Variants in CPNE4 observed in about 807,000 individuals in gnomAD.
CPNE4 encodes the protein copine 4.
Under a neutral mutation model 67.9 loss-of-function variants are expected in CPNE4, and 25 were observed. That is an observed-to-expected ratio of 0.37 (90% confidence interval 0.27 to 0.51). The LOEUF (loss-of-function observed/expected upper bound fraction) is 0.51, where lower values mean the gene tolerates loss of function less well. Among genes scored for constraint, CPNE4 ranks in the 20% least tolerant of loss-of-function variants. The pLI is 0.93. For missense variants in CPNE4, 464 were observed against 690.8 expected, an observed-to-expected ratio of 0.67 and a Z score of 3.68; for synonymous variants, 242 against 244.9, an observed-to-expected ratio of 0.99 and a Z score of 0.11.
chr3:131,856,132 A>C (rs1005547365), intron 2 of CPNE4, among the ~76,000 whole-genome samples: 1 of 152,022 alleles, frequency 6.6e-6, no homozygotes, highest in Non-Finnish European at 1.5e-5. Flanking sequence ...AATAAAAGGA[A>C]AATCACCAAT....
At chr3:131,605,675 T>C (rs9868205) in intron 7 of CPNE4, among the ~76,000 whole-genome samples, 1,937 of 152,148 alleles carry the variant, frequency 0.013, 17 homozygotes, top group Non-Finnish European at 0.016. Flanking sequence ...AGAAGTCCAA[T>C]GAGAGTTTGA....
chr3:131,721,695 G>A (rs375056986), intron 3 of CPNE4, among the ~76,000 whole-genome samples: 12 of 151,918 alleles, frequency 7.9e-5, no homozygotes, highest in East Asian at 1.9e-4. Flanking sequence ...GCGCCTGGCC[G>A]GATCTACCTT....
chr3:131,927,367 T>C (rs2070925194), intron 1 of CPNE4, among the ~76,000 whole-genome samples: 1 of 152,126 alleles, frequency 6.6e-6, no homozygotes, highest in Admixed American at 6.6e-5. Context: ...AAGAGCAAAC[T>C]CCCTAATATA....
intron 7 of CPNE4, among the ~76,000 whole-genome samples, chr3:131,590,517 C>T (rs1938463004): frequency 2.0e-5 from 3 of 152,060 alleles, no homozygotes; most frequent in Admixed American, 2.0e-4. Context: ...TAAGAACCAT[C>T]CAAGTACTTA....
intron 1 of CPNE4, among the ~76,000 whole-genome samples, chr3:131,945,086 G>A (rs916406596): frequency 2.6e-5 from 4 of 152,138 alleles, no homozygotes; most frequent in African/African-American, 7.2e-5. Flanking sequence ...CTAGCCATGT[G>A]GCCTTCAGGA....
intron 1 of CPNE4, among the ~76,000 whole-genome samples, chr3:131,949,683 T>C (rs539155315): frequency 7.2e-5 from 11 of 152,310 alleles, no homozygotes; most frequent in African/African-American, 2.4e-4. Context: ...CAAATTATTA[T>C]TTATACCTTT....
intron 6 of CPNE4, among the ~76,000 whole-genome samples, chr3:131,681,980 C>T (rs2080769993): frequency 6.6e-6 from 1 of 151,944 alleles, no homozygotes; most frequent in African/African-American, 2.4e-5. Flanking sequence ...TGATTTCTTA[C>T]AATTATTTCA....
chr3:131,834,672 C>CTT (rs1395792784), intron 2 of CPNE4, among the ~76,000 whole-genome samples: 1 of 151,872 alleles, frequency 6.6e-6, no homozygotes, highest in Non-Finnish European at 1.5e-5. Flanking sequence ...ATACATAAAA[C>CTT]TAAAGTCTTA....
At chr3:131,924,949 A>G (rs1010433003) in intron 1 of CPNE4, among the ~76,000 whole-genome samples, 1 of 152,194 alleles carries the variant, frequency 6.6e-6, no homozygotes, top group African/African-American at 2.4e-5. Flanking sequence ...GTTAGTAGCA[A>G]CCTTGAAGCA....
chr3:131,717,946 T>C (rs1020617402), intron 3 of CPNE4, among the ~76,000 whole-genome samples: 17 of 135,748 alleles, frequency 1.3e-4, no homozygotes, highest in Admixed American at 3.6e-4. Flanking sequence ...TTCTTTCTTT[T>C]CTTTCTTTCT....
intron 7 of CPNE4, among the ~76,000 whole-genome samples, chr3:131,650,448 C>T (rs115155862): frequency 0.021 from 3,146 of 151,950 alleles, 125 homozygotes; most frequent in African/African-American, 0.072. Context: ...TATTTTTTAA[C>T]CATAGCCTTT....
At chr3:131,585,521 G>A (rs138469869) in intron 8 of CPNE4, among the ~76,000 whole-genome samples, 7 of 152,236 alleles carry the variant, frequency 4.6e-5, no homozygotes, top group Admixed American at 2.0e-4. Flanking sequence ...GAACTTAAAC[G>A]ATTTCTCTCT....
intron 2 of CPNE4, among the ~76,000 whole-genome samples, chr3:131,859,522 G>C (rs1211877373): frequency 1.3e-5 from 2 of 152,110 alleles, no homozygotes; most frequent in Non-Finnish European, 2.9e-5. Flanking sequence ...AACTTCTTGA[G>C]AGTGGGTGGT....
chr3:131,586,971 C>A (rs1032553934), intron 8 of CPNE4, among the ~76,000 whole-genome samples: 1 of 152,096 alleles, frequency 6.6e-6, no homozygotes, highest in African/African-American at 2.4e-5. Context: ...CAAATAATTT[C>A]TCCAAGGCAT....
intron 2 of CPNE4, among the ~76,000 whole-genome samples, chr3:131,808,869 G>A (rs868781106): frequency 6.6e-6 from 1 of 152,216 alleles, no homozygotes; most frequent in East Asian, 1.9e-4. Context: ...TTTTGTAAAC[G>A]GTAAACTAAG....
chr3:131,665,683 A>ACAAACAAACAAC, intron 7 of CPNE4, among the ~76,000 whole-genome samples: 1 of 151,818 alleles, frequency 6.6e-6, no homozygotes, highest in Middle Eastern at 3.4e-3. Flanking sequence ...AAACAAACAA[A>ACAAACAAACAAC]CAAAAAACAG....
At chr3:131,592,826 T>TC (rs140797461) in intron 7 of CPNE4, among the ~76,000 whole-genome samples, 6,547 of 152,214 alleles carry the variant, frequency 0.043, 424 homozygotes, top group African/African-American at 0.14. Flanking sequence ...AAGAACCTGC[T>TC]CACTGTTTCC....
intron 7 of CPNE4, among the ~76,000 whole-genome samples, chr3:131,634,567 C>A (rs2079325843): frequency 6.6e-6 from 1 of 152,080 alleles, no homozygotes; most frequent in East Asian, 1.9e-4. Flanking sequence ...TATTTGCTTA[C>A]CTCCATTCTT....
chr3:131,534,021 T>C lies in CPNE4; in HGVS notation c.*1174A>G, dbSNP rs1427621021. On this transcript the variant is annotated 3_prime_UTR_variant, in exon 16 of 16. Transcript: ENST00000429747. ...AAGTGATAGAAAGGAGGCAAGAAAT[T>C]CCCACACTAAGCTCAAAGGTCAATT... The C allele has an allele frequency of 6.6e-6, 1 of 152,154 alleles. No individual in the cohort carries two copies. The highest frequency in any genetic ancestry group is 6.5e-5 in the Admixed American group (1 of 15,272). 9.4% of individuals were successfully genotyped at this position (152,154 alleles called of 1,614,324 possible).
Sources: allele counts gnomAD v4.1 joint callset (sites outside exome capture counted in the v4.1 genomes callset), GRCh38; gene constraint gnomAD v4.1.1; transcripts MANE v1.5; gene names NCBI Gene and HGNC (gene_info 2026-07-23, HGNC 2026-07-21).